The following MUSK variants were observed in gnomAD, a reference collection of about 807,000 sequenced individuals.
MUSK encodes muscle, skeletal receptor tyrosine-protein kinase.
MUSK carries 55 observed loss-of-function variants against 88.7 expected under a neutral mutation model. The ratio of observed to expected loss-of-function variants is 0.62; its 90% confidence interval spans 0.50 to 0.78. The LOEUF (loss-of-function observed/expected upper bound fraction) is 0.78, where lower values mean the gene tolerates loss of function less well. MUSK is among the 30% of genes least tolerant of loss of function. The pLI, the probability that MUSK is intolerant of heterozygous loss-of-function variation, is 0.00. For missense variants in MUSK, 1,015 were observed against 1,074.3 expected, an observed-to-expected ratio of 0.94 and a Z score of 0.77; for synonymous variants, 387 against 391.9, an observed-to-expected ratio of 0.99 and a Z score of 0.15.
chr9:110,716,862 C>T (rs934600283), intron 5 of MUSK, among the ~76,000 whole-genome samples: 1 of 149,872 alleles, frequency 6.7e-6, no homozygotes, highest in Non-Finnish European at 1.5e-5. Context: ...CATTTTTAAC[C>T]TTTGGATGAT....
In MUSK at chr9:110,747,654, C is replaced by T. The variant is rs1216134298; in HGVS notation, c.767C>T (p.Ser256Phe). Residue 256 changes from serine to phenylalanine, a missense_variant, in exon 7 of 15, where the codon TCC becomes TTC. Coordinates refer to ENST00000374448, the MANE Select transcript of MUSK (RefSeq NM_005592.4). ...TTACTCTGTCAGGTTTCTTCTGGGT[C>T]CATTCAAGAGAGTGTGAAAGACCGA... Reference protein sequence around the residue: ...IENGNAVSSGSIQESVKDRVI... With the variant: ...IENGNAVSSGFIQESVKDRVI... 1 of 1,611,610 alleles carries T rather than the reference C, an allele frequency of 6.2e-7. No individual in the cohort carries two copies. The highest frequency in any genetic ancestry group is 2.2e-5 in the East Asian group (1 of 44,818).
intron 6 of MUSK, among the ~76,000 whole-genome samples, chr9:110,740,265 A>T (rs1564257148): frequency 6.6e-6 from 1 of 151,998 alleles, no homozygotes; most frequent in Admixed American, 6.6e-5. Context: ...AAAAAACAGA[A>T]TTTTTTTTCC....
Position 110,784,853 on chromosome 9 carries a change from A to G in MUSK, c.1423A>G (p.Ile475Val). Residue 475 changes from isoleucine (I) to valine (V), a missense_variant, in exon 12 of 15, where the codon ATT becomes GTT. Transcript: ENST00000374448. ...GACGTCCTCAAAGCCAAGTGTGGAC[A>G]TTCCAAATCTGCCTTCCTCCTCCTC... ...PMTSSKPSVD[I>V]PNLPSSSSSS... is the part of the protein sequence containing the mutation. 1 of 1,613,822 alleles carries G rather than the reference A, an allele frequency of 6.2e-7. No homozygotes were observed.
At chr9:110,790,208 T>C (rs1250481286) in intron 14 of MUSK, among the ~76,000 whole-genome samples, 1 of 152,216 alleles carries the variant, frequency 6.6e-6, no homozygotes, top group African/African-American at 2.4e-5. Context: ...TGACCTTGAA[T>C]TTGTAAACAT....
chr9:110,702,897 T>C (rs1211576448), intron 5 of MUSK, among the ~76,000 whole-genome samples: 2 of 146,708 alleles, frequency 1.4e-5, no homozygotes, highest in Non-Finnish European at 3.0e-5. Context: ...TGTCTCAAAA[T>C]AAAAAAATAA....
rs1216039230 is a variant in MUSK at position 110,697,349 on chromosome 9, G to C, written c.511G>C (p.Glu171Gln). The C allele has an allele frequency of 1.9e-6, 3 of 1,612,716 alleles. No homozygotes were observed. The highest frequency in any genetic ancestry group is 2.5e-6 in the Non-Finnish European group (3 of 1,179,156). The change falls in exon 5 of 15, where the codon GAA becomes CAA. Residue 171 changes from glutamate (E) to glutamine (Q), a missense_variant. Glu to Gln is a conservative substitution (Grantham distance 29). Coordinates refer to ENST00000374448, the MANE Select transcript of MUSK (RefSeq NM_005592.4). The part of the protein sequence containing the change: ...LRENSRIAVL[E>Q]SGSLRIHNVQ... ...GGAAAATTCCCGAATTGCAGTTCTT[G>C]AATCTGGGAGCTTGAGGATTCATAA...
intron 3 of MUSK, among the ~76,000 whole-genome samples, chr9:110,693,713 C>T (rs1045253650): frequency 6.6e-6 from 1 of 152,162 alleles, no homozygotes; most frequent in East Asian, 1.9e-4. Context: ...GACATCAAGT[C>T]ACTGAGAAGA....
chr9:110,705,606 G>A (rs2076588726), intron 5 of MUSK, among the ~76,000 whole-genome samples: 1 of 152,226 alleles, frequency 6.6e-6, no homozygotes, highest in Admixed American at 6.5e-5. Flanking sequence ...TGATTTCTCA[G>A]TGAACATTTT....
chr9:110,751,398 G>A (rs1212214981), intron 7 of MUSK, among the ~76,000 whole-genome samples: 2 of 152,148 alleles, frequency 1.3e-5, no homozygotes, highest in Non-Finnish European at 2.9e-5. Context: ...TGTTGAGAAA[G>A]ACCAGAATGA....
intron 1 of MUSK, among the ~76,000 whole-genome samples, chr9:110,678,513 T>A (rs895554028): frequency 1.4e-4 from 21 of 146,344 alleles, no homozygotes; most frequent in Non-Finnish European, 2.4e-4. Context: ...TCTGAAAAAC[T>A]TTGGGGCATT....
chr9:110,728,513 G>A (rs2076918217), intron 5 of MUSK, among the ~76,000 whole-genome samples: 1 of 151,996 alleles, frequency 6.6e-6, no homozygotes. Context: ...CTTTCAAAAG[G>A]TCTGCAGTTT....
At chr9:110,671,304 A>C (rs2075954166) in intron 1 of MUSK, among the ~76,000 whole-genome samples, 1 of 152,132 alleles carries the variant, frequency 6.6e-6, no homozygotes, top group Non-Finnish European at 1.5e-5. Context: ...TGGCCCACCC[A>C]AACTATTTCT....
intron 11 of MUSK, among the ~76,000 whole-genome samples, chr9:110,780,787 A>T (rs1334217337): frequency 1.3e-5 from 2 of 152,054 alleles, no homozygotes; most frequent in Admixed American, 1.3e-4. Context: ...TTTTCCCTTT[A>T]TCCGTGATAT....
chr9:110,697,300 G>T, intron 4 of MUSK, 25 bp from the exon 5 acceptor site: 1 of 1,611,000 alleles, frequency 6.2e-7, no homozygotes. Context: ...AAACATTTTT[G>T]AATTCACGTC....
At position 110,805,771 on chromosome 9, in the gene MUSK, C is replaced by T. The variant is rs1267970679; in HGVS notation, c.*4783C>T. On this transcript the variant is annotated 3_prime_UTR_variant, in exon 15 of 15. Transcript: ENST00000374448. ...GATATCCTTGTCTTCTAGGAATAAA[C>T]TTTTTGGGCGAATCATATCAATCTT... is the stretch of plus-strand genomic sequence containing the variant. Among the ~76,000 whole-genome samples the T allele has an allele frequency of 2.0e-5, 3 of 151,836 alleles. No individual in the cohort carries two copies. The highest frequency in any genetic ancestry group is 2.9e-5 in the Non-Finnish European group (2 of 67,856).
intron 7 of MUSK, among the ~76,000 whole-genome samples, chr9:110,754,270 A>G (rs2077284166): frequency 6.6e-6 from 1 of 152,200 alleles, no homozygotes; most frequent in Non-Finnish European, 1.5e-5. Flanking sequence ...CAGCTTTCTT[A>G]TATTAGAACA....
At chr9:110,761,567 C>CTTTTTT (rs1168716499) in intron 7 of MUSK, among the ~76,000 whole-genome samples, 1 of 52,720 alleles carries the variant, frequency 1.9e-5, no homozygotes, top group African/African-American at 6.9e-5. Context: ...CCACATCTTG[C>CTTTTTT]TTTTTTTTTT....
intron 9 of MUSK, among the ~76,000 whole-genome samples, chr9:110,769,605 T>G (rs2077538625): frequency 6.6e-6 from 1 of 152,200 alleles, no homozygotes; most frequent in Non-Finnish European, 1.5e-5. Flanking sequence ...TCTCTGTTAA[T>G]TATCACTTCT....
At chr9:110,689,761 CTATA>C (rs1415411772) in intron 3 of MUSK, among the ~76,000 whole-genome samples, 1 of 15,250 alleles carries the variant, frequency 6.6e-5, no homozygotes, top group Admixed American at 6.7e-4. Flanking sequence ...TATATATAAA[CTATA>C]TATATCACAT....
Sources: allele counts gnomAD v4.1 joint callset (sites outside exome capture counted in the v4.1 genomes callset), GRCh38; gene constraint gnomAD v4.1.1; transcripts MANE v1.5; gene names NCBI Gene and HGNC (gene_info 2026-07-23, HGNC 2026-07-21).